Variants in C5orf47 observed in about 807,000 individuals in gnomAD.
The protein encoded by C5orf47 is chromosome 5 open reading frame 47, also known as uncharacterized protein C5orf47.
In C5orf47, 20 loss-of-function variants were observed where a neutral mutation model predicts 20.6. The observed-to-expected ratio is 0.97, with a 90% CI of 0.68 to 1.41. The LOEUF (loss-of-function observed/expected upper bound fraction) is 1.41. Ranked by LOEUF, C5orf47 falls within the 40% of genes most tolerant of loss-of-function variation. The pLI, the probability that C5orf47 is intolerant of heterozygous loss-of-function variation, is 0.00. For missense variants in C5orf47, 262 were observed against 238.4 expected (o/e 1.10, Z -0.65); for synonymous variants, 106 against 97.3 (o/e 1.09, Z -0.53).
chr5:173,998,264 C>G (rs1435765239), intron 2 of C5orf47, 26 bp downstream of exon 2: 1 of 1,264,642 alleles, frequency 7.9e-7, no homozygotes, highest in East Asian at 2.6e-5. Context: ...GGAGAATGAG[C>G]AATATTTGAA....
intron 1 of C5orf47, among the ~76,000 whole-genome samples, chr5:173,992,503 G>A (rs183771540): frequency 3.3e-5 from 5 of 152,116 alleles, no homozygotes; most frequent in African/African-American, 1.2e-4. Context: ...ATTATTTCTT[G>A]TGCTTTCTTT....
In C5orf47 at chr5:173,998,141, C is replaced by G; in HGVS notation, c.326-12C>G. On this transcript the variant is annotated splice_polypyrimidine_tract_variant and intron_variant, in intron 1 of 4. Coordinates refer to ENST00000340147, the MANE Select transcript of C5orf47 (RefSeq NM_001144954.2). Reference sequence around the variant, plus strand: ...TATATGTTGACCTTTTCACTTTCTTCTTAAAAATTAGGTTTAATCCAGAAG... The same window carrying G: ...TATATGTTGACCTTTTCACTTTCTTGTTAAAAATTAGGTTTAATCCAGAAG... 1 of 1,470,388 alleles carries G rather than the reference C, an allele frequency of 6.8e-7. No individual in the cohort carries two copies. Among genetic ancestry groups the G allele is most frequent in the Non-Finnish European group, 9.2e-7 (1 of 1,081,428 alleles). The allele number at this position is 1,470,388 out of a possible 1,614,324, so 91.1% of individuals were successfully genotyped here. A position where few individuals can be genotyped will look rare whatever the true frequency, so the allele number is the denominator to read the frequency against.
chr5:173,992,232 A>G (rs1165983089), intron 1 of C5orf47, among the ~76,000 whole-genome samples: 1 of 137,084 alleles, frequency 7.3e-6, no homozygotes, highest in East Asian at 2.1e-4. Context: ...TATTTTGTTA[A>G]TTTTTTTTTT....
downstream of C5orf47, among the ~76,000 whole-genome samples, chr5:174,008,978 A>G (rs1420117300): frequency 6.6e-5 from 10 of 152,208 alleles, no homozygotes; most frequent in Non-Finnish European, 1.5e-4. Flanking sequence ...AAAAAAATTG[A>G]GTACTAGCAG....
At chr5:174,007,814 C>T (rs1041534983), downstream of C5orf47, among the ~76,000 whole-genome samples, 1 of 152,126 alleles carries the variant, frequency 6.6e-6, no homozygotes, top group African/African-American at 2.4e-5. Context: ...CCCACCTTGG[C>T]CTCCCAAAGT....
intron 4 of C5orf47, among the ~76,000 whole-genome samples, chr5:174,001,532 A>G (rs1268691618): frequency 6.6e-6 from 1 of 151,824 alleles, no homozygotes; most frequent in African/African-American, 2.4e-5. Context: ...ACAATATGGT[A>G]CATTATTCTG....
rs116916473 is a variant in C5orf47 at position 173,997,153 on chromosome 5, C to A, written c.326-1000C>A. 8.5e-3 allele frequency among the ~76,000 whole-genome samples: 1,300 copies of A among 152,230 alleles called. 16 individuals are homozygous for A. The highest frequency in any genetic ancestry group is 0.063 in the East Asian group (324 of 5,178). On this transcript the variant is annotated intron_variant, in intron 1 of 4. Transcript: ENST00000340147. The stretch of plus-strand genomic sequence containing the variant: ...CCTCAAGTAAACAGTGTGATAAATC[C>A]TATGATACCTGAGCAGAGGGTGCTT...
chr5:174,005,814 G>A lies in C5orf47; in HGVS notation c.*1560G>A, dbSNP rs1759282803. The A allele has an allele frequency of 6.6e-6, 1 of 152,144 alleles. No homozygotes were observed. The highest frequency in any genetic ancestry group is 2.4e-5 in the African/African-American group (1 of 41,392). 9.4% of individuals were successfully genotyped at this position (152,144 alleles called of 1,614,324 possible). A position where few individuals can be genotyped will look rare whatever the true frequency, so the allele number is the denominator to read the frequency against. The stretch of plus-strand genomic sequence containing the variant: ...ATAGTAGTCTGTTTTAATTTATTAG[G>A]TATATCAATATTTGTTAGATTTAAA... On this transcript the variant is annotated 3_prime_UTR_variant, in exon 5 of 5. Transcript: ENST00000340147.
Position 173,989,614 on chromosome 5 carries a change from C to T in C5orf47, c.325+26C>T, listed in dbSNP as rs770878756. 63 of 1,013,868 alleles carry T rather than the reference C, an allele frequency of 6.2e-5. No homozygotes were observed. In the African/African-American group the frequency reaches 8.3e-4, roughly 13 times the overall value. 62.8% of individuals were successfully genotyped at this position (1,013,868 alleles called of 1,614,324 possible). Reference sequence around the variant, plus strand: ...GTGGTGCAGCGGGGCAGGGCGGGACCGGGCGCGGCGGGGCGGGACGGGGCG... The same window carrying T: ...GTGGTGCAGCGGGGCAGGGCGGGACTGGGCGCGGCGGGGCGGGACGGGGCG... On this transcript the variant is annotated intron_variant, in intron 1 of 4. Coordinates refer to ENST00000340147, the MANE Select transcript of C5orf47 (RefSeq NM_001144954.2).
chr5:173,998,238 G>C lies in C5orf47; in HGVS notation c.411G>C (p.Lys137Asn), dbSNP rs1308683207. Residue 137 changes from lysine (K) to asparagine (N), a missense_variant and splice_region_variant, in exon 2 of 5, where the codon AAG (lysine) becomes AAC (asparagine). Transcript: ENST00000340147. ...EASKIMKKKK[K>N]VLVWNRVYKV... ...CCAAAATAATGAAGAAAAAGAAAAA[G>C]GTATATTGCTGTAAAGGAGAATGAG... 4.7e-6 allele frequency: 7 copies of C among 1,478,272 alleles called. No homozygotes were observed. Among genetic ancestry groups the C allele is most frequent in the South Asian group, 2.5e-5 (2 of 80,380 alleles). 91.6% of individuals were successfully genotyped at this position (1,478,272 alleles called of 1,614,324 possible).
Position 174,005,428 on chromosome 5 carries a change from A to T in C5orf47, c.*1174A>T, listed in dbSNP as rs1318822673. 2 of 152,332 alleles carry T rather than the reference A, an allele frequency of 1.3e-5. No individual in the cohort carries two copies. Among genetic ancestry groups the T allele is most frequent in the Non-Finnish European group, 2.9e-5 (2 of 68,026 alleles). The allele number at this position is 152,332 out of a possible 1,614,324, so 9.4% of individuals were successfully genotyped here. On this transcript the variant is annotated 3_prime_UTR_variant, in exon 5 of 5. Coordinates refer to ENST00000340147, the MANE Select transcript of C5orf47 (RefSeq NM_001144954.2). ...CTTAATTACTTCAGGAGACTACGAC[A>T]GTGTAGAATTTGTGGTAACATGATC...
intron 1 of C5orf47, 75 bp from the exon 2 acceptor site, chr5:173,998,078 C>A: frequency 1.1e-6 from 1 of 880,230 alleles, no homozygotes; most frequent in Non-Finnish European, 1.8e-6. Context: ...CCTCAAGAAA[C>A]ATTTATATGG....
chr5:173,998,666 T>C (rs1289037864), intron 2 of C5orf47, among the ~76,000 whole-genome samples: 5 of 152,326 alleles, frequency 3.3e-5, no homozygotes, highest in Admixed American at 6.5e-5. Context: ...CTGAGAAGGA[T>C]GAGCCACTGC....
rs2113351994 is a variant in C5orf47, at chr5:173,989,183, TCC to T, written c.-79_-78del. On this transcript the variant is annotated 5_prime_UTR_variant, in exon 1 of 5. Transcript: ENST00000340147. ...TGGTCTGGCCCTAACCGCTCCCGCA[TCC>T]CTCGCCTGCACAGTGGGCAGTCTGG... 8.2e-7 allele frequency: 1 copy of T among 1,219,908 alleles called. No individual in the cohort carries two copies. The highest frequency in any genetic ancestry group is 4.5e-5 in the East Asian group (1 of 22,436). 75.6% of individuals were successfully genotyped at this position (1,219,908 alleles called of 1,614,324 possible).
chr5:173,989,348 G>C lies in C5orf47; in HGVS notation c.85G>C (p.Val29Leu). 1 of 1,502,024 alleles carries C rather than the reference G, an allele frequency of 6.7e-7. No individual in the cohort carries two copies. Among genetic ancestry groups the C allele is most frequent in the Non-Finnish European group, 8.9e-7 (1 of 1,121,474 alleles). The allele number at this position is 1,502,024 out of a possible 1,614,324, so 93.0% of individuals were successfully genotyped here. A position where few individuals can be genotyped will look rare whatever the true frequency, so the allele number is the denominator to read the frequency against. ...TRFGSHQCSGVLQLGGRGAQG... is the reference protein window; with the variant it reads ...TRFGSHQCSGLLQLGGRGAQG... ...CTTCGGCTCGCATCAGTGCAGTGGCGTCCTGCAACTGGGCGGCCGTGGAGC... is the reference window on the plus strand; with the variant it reads ...CTTCGGCTCGCATCAGTGCAGTGGCCTCCTGCAACTGGGCGGCCGTGGAGC... Residue 29 changes from valine to leucine, a missense_variant, in exon 1 of 5, where the codon GTC (valine) becomes CTC (leucine). By Grantham distance (32) the Val-to-Leu change is conservative. Transcript: ENST00000340147.
In C5orf47 at chr5:173,999,716, G is replaced by A. The variant is rs1253505173; in HGVS notation, c.428G>A (p.Arg143Lys). 6.7e-7 allele frequency: 1 copy of A among 1,484,944 alleles called. No homozygotes were observed. Among genetic ancestry groups the A allele is most frequent in the Non-Finnish European group, 9.2e-7 (1 of 1,091,030 alleles). The allele number at this position is 1,484,944 out of a possible 1,614,324, so 92.0% of individuals were successfully genotyped here. Reference protein sequence around the residue: ...KKKKKVLVWNRVYKVISRMLE... With the variant: ...KKKKKVLVWNKVYKVISRMLE... The stretch of plus-strand genomic sequence containing the variant: ...CTTTTTAAGGTTTTAGTATGGAATA[G>A]AGTATACAAAGTCATTTCAAGAATG... Residue 143 changes from arginine (R) to lysine (K), a missense_variant, in exon 3 of 5, where the codon AGA becomes AAA. Transcript: ENST00000340147.
downstream of C5orf47, chr5:174,006,158 C>T (rs1484500529): frequency 1.3e-5 from 2 of 152,364 alleles, no homozygotes; most frequent in Non-Finnish European, 2.9e-5. Context: ...CCTGCCTTCT[C>T]TTCATCTCCA....
chr5:174,006,739 C>G (rs755266087), downstream of C5orf47, among the ~76,000 whole-genome samples: 1 of 151,904 alleles, frequency 6.6e-6, no homozygotes. Context: ...GGGAGAATGC[C>G]GAGTTAGGTG....
chr5:174,008,822 C>CAAAAA (rs57488841), downstream of C5orf47, among the ~76,000 whole-genome samples: 74 of 75,422 alleles, frequency 9.8e-4, 1 homozygote, highest in Middle Eastern at 8.2e-3. Flanking sequence ...GACTCCATCT[C>CAAAAA]AAAAAAAAAA....
Sources: allele counts gnomAD v4.1 joint callset (sites outside exome capture counted in the v4.1 genomes callset), GRCh38; gene constraint gnomAD v4.1.1; transcripts MANE v1.5; gene names NCBI Gene and HGNC (gene_info 2026-07-23, HGNC 2026-07-21).